The following PTPRD variants were observed in gnomAD, a reference collection of about 807,000 sequenced individuals.
PTPRD encodes the protein protein tyrosine phosphatase receptor type D.
A neutral mutation model predicts 214.5 loss-of-function variants in PTPRD; 34 were observed. That is an observed-to-expected ratio of 0.16 (90% CI 0.12 to 0.21). The LOEUF is 0.21. Among genes scored for constraint, PTPRD ranks in the 10% least tolerant of loss-of-function variants. The pLI is 1.00. For synonymous variants in PTPRD, 1,128 were observed against 845.7 expected (o/e 1.33, Z -5.79); for missense variants, 2,545 against 2,398.7 (o/e 1.06, Z -1.27).
At chr9:10,104,942 TTCAATGTC>T in intron 3 of PTPRD, among the ~76,000 whole-genome samples, 2 of 151,906 alleles carry the variant, frequency 1.3e-5, no homozygotes, top group Middle Eastern at 3.4e-3. Flanking sequence ...TTTTCAACTT[TTCAATGTC>T]TTTGCACATG....
chr9:10,511,667 G>A (rs2133805844), intron 2 of PTPRD, among the ~76,000 whole-genome samples: 1 of 150,188 alleles, frequency 6.7e-6, no homozygotes, highest in Admixed American at 6.7e-5. Context: ...ACCCGCCTAG[G>A]CCTCCCAAAG....
chr9:8,513,942 A>G (rs1239778643), intron 21 of PTPRD, among the ~76,000 whole-genome samples: 1 of 152,142 alleles, frequency 6.6e-6, no homozygotes, highest in Non-Finnish European at 1.5e-5. Flanking sequence ...ACTATTATGG[A>G]AGATTCTTGG....
At chr9:9,836,409 G>A (rs989867319) in intron 5 of PTPRD, among the ~76,000 whole-genome samples, 2 of 152,110 alleles carry the variant, frequency 1.3e-5, no homozygotes, top group Admixed American at 6.6e-5. Context: ...CATTACCCAC[G>A]TGGTCATAGT....
chr9:10,342,601 C>A (rs555380627), intron 2 of PTPRD, among the ~76,000 whole-genome samples: 1 of 152,154 alleles, frequency 6.6e-6, no homozygotes, highest in East Asian at 1.9e-4. Flanking sequence ...GTATTGTCCT[C>A]AAATGTATAA....
intron 22 of PTPRD, among the ~76,000 whole-genome samples, chr9:8,506,752 G>A (rs1348812567): frequency 6.6e-6 from 1 of 152,136 alleles, no homozygotes; most frequent in Admixed American, 6.5e-5. Context: ...CAATTGCCAT[G>A]CCTTCTACAA....
chr9:8,638,931 T>C (rs142762309), intron 12 of PTPRD, among the ~76,000 whole-genome samples: 10,540 of 152,198 alleles, frequency 0.069, 1,119 homozygotes, highest in African/African-American at 0.23. Flanking sequence ...CAACCTCCAC[T>C]ACCCAGGTTC....
At chr9:10,177,626 C>A (rs1167441208) in intron 3 of PTPRD, among the ~76,000 whole-genome samples, 1 of 151,768 alleles carries the variant, frequency 6.6e-6, no homozygotes, top group East Asian at 1.9e-4. Flanking sequence ...AATCAGGCTG[C>A]TGTCAACGGG....
rs2098688195 is a variant in PTPRD at position 8,733,845 on chromosome 9, C to T, written c.-2G>A. On this transcript the variant is annotated 5_prime_UTR_variant, in exon 12 of 46. Transcript: ENST00000381196. ...CAGCAGCCTGGCTACGTGCACCATC[C>T]TGCAGCTTGGCAGCAGCGTGCGCGA... The T allele has an allele frequency of 1.3e-6, 2 of 1,551,088 alleles. No homozygotes were observed. Among genetic ancestry groups the T allele is most frequent in the African/African-American group, 1.4e-5 (1 of 73,072 alleles).
In PTPRD at chr9:9,967,796, T is replaced by C. The variant is rs566581598; in HGVS notation, c.-471-29186A>G. 2.5e-3 allele frequency among the ~76,000 whole-genome samples: 386 copies of C among 152,262 alleles called. 1 individual carries two copies. Among genetic ancestry groups the C allele is most frequent in the African/African-American group, 8.8e-3 (364 of 41,568 alleles). Reference sequence around the variant, plus strand: ...TGAACATGCGTAAAAAGTTGAAAGGTAAATCAAAGAGAATTGTTAACTCAA... The same window carrying C: ...TGAACATGCGTAAAAAGTTGAAAGGCAAATCAAAGAGAATTGTTAACTCAA... On this transcript the variant is annotated intron_variant, in intron 4 of 45. Coordinates refer to ENST00000381196, the MANE Select transcript of PTPRD (RefSeq NM_002839.4).
chr9:8,634,515 C>A (rs1271583897), intron 13 of PTPRD, among the ~76,000 whole-genome samples: 1 of 151,864 alleles, frequency 6.6e-6, no homozygotes, highest in East Asian at 1.9e-4. Flanking sequence ...AAAATATGTC[C>A]ACTTCAATCT....
At chr9:9,197,182 A>G (rs1019560171) in intron 9 of PTPRD, among the ~76,000 whole-genome samples, 1 of 152,098 alleles carries the variant, frequency 6.6e-6, no homozygotes, top group Admixed American at 6.6e-5. Context: ...GGAAGCATCT[A>G]ATCCAGAGCA....
intron 11 of PTPRD, among the ~76,000 whole-genome samples, chr9:8,802,538 T>C (rs544688916): frequency 1.3e-5 from 2 of 152,260 alleles, no homozygotes; most frequent in East Asian, 3.9e-4. Flanking sequence ...CTAAGGGAAA[T>C]CTGGATTTTC....
chr9:9,981,520 A>G (rs1478106358), intron 4 of PTPRD, among the ~76,000 whole-genome samples: 1 of 140,918 alleles, frequency 7.1e-6, no homozygotes, highest in Non-Finnish European at 1.5e-5. Flanking sequence ...ATGCCTGGCT[A>G]ATTTTTTTTT....
At chr9:9,174,046 G>A (rs751920121) in intron 10 of PTPRD, among the ~76,000 whole-genome samples, 35 of 152,152 alleles carry the variant, frequency 2.3e-4, no homozygotes, top group African/African-American at 8.2e-4. Context: ...AGGGAGTTAA[G>A]TATCTTTAAA....
intron 9 of PTPRD, among the ~76,000 whole-genome samples, chr9:9,203,782 C>A (rs2099943243): frequency 6.6e-6 from 1 of 152,082 alleles, no homozygotes; most frequent in Non-Finnish European, 1.5e-5. Context: ...ACAAACAATA[C>A]ATGCTTTATA....
chr9:8,928,709 T>C (rs2098922517), intron 11 of PTPRD, among the ~76,000 whole-genome samples: 1 of 152,168 alleles, frequency 6.6e-6, no homozygotes. Flanking sequence ...TTAAAGTAGC[T>C]TTTTCTAATT....
At chr9:9,432,812 C>A (rs141439186) in intron 8 of PTPRD, among the ~76,000 whole-genome samples, 1 of 152,106 alleles carries the variant, frequency 6.6e-6, no homozygotes, top group Non-Finnish European at 1.5e-5. Context: ...AATTTGATTT[C>A]TTATATTTCC....
intron 5 of PTPRD, among the ~76,000 whole-genome samples, chr9:9,931,518 C>T (rs191183066): frequency 6.6e-5 from 10 of 152,302 alleles, no homozygotes; most frequent in African/African-American, 1.2e-4. Context: ...GCTTTTCCGA[C>T]GGGCTTAAAA....
chr9:9,640,335 T>G (rs7864331), intron 7 of PTPRD, among the ~76,000 whole-genome samples: 78,720 of 151,964 alleles, frequency 0.52, 20,648 homozygotes, highest in African/African-American at 0.55. Context: ...AGATCCTAAG[T>G]CTGGTGTAGT....
Sources: gnomAD v4.1 joint callset for allele counts (sites outside exome capture counted in the v4.1 genomes callset) on GRCh38, gnomAD v4.1.1 for gene constraint, MANE v1.5 for transcripts, NCBI Gene and HGNC (gene_info 2026-07-23, HGNC 2026-07-21) for gene names.